Variants in PSMA1 observed in about 807,000 individuals in gnomAD.
PSMA1 encodes the protein proteasome 20S subunit alpha 1, also known as proteasome subunit alpha type-1.
Under a neutral mutation model 38.4 loss-of-function variants are expected in PSMA1, and 3 were observed. The observed-to-expected ratio is 0.08, with a 90% confidence interval of 0.04 to 0.20. PSMA1 has a LOEUF of 0.20. PSMA1 is among the 10% of genes least tolerant of loss of function. The probability of loss-of-function intolerance (pLI) is 1.00; values close to 1 mark genes in which losing one functional copy is unlikely to be tolerated. For missense variants in PSMA1, 227 were observed against 325.3 expected (o/e 0.70, Z 2.32); for synonymous variants, 101 against 107.1 (o/e 0.94, Z 0.35).
At chr11:14,508,748 T>C (rs1851292541) in intron 8 of PSMA1, among the ~76,000 whole-genome samples, 1 of 152,166 alleles carries the variant, frequency 6.6e-6, no homozygotes. Context: ...CATTCTCTCC[T>C]GATTCCACTA....
chr11:14,623,892 G>C (rs879419706), intron 1 of PSMA1, among the ~76,000 whole-genome samples: 9 of 152,166 alleles, frequency 5.9e-5, no homozygotes, highest in African/African-American at 7.2e-5. Context: ...TGGCCACTTG[G>C]TGGTAAGTCA....
intron 2 of PSMA1, among the ~76,000 whole-genome samples, chr11:14,569,832 T>A (rs1219385826): frequency 6.6e-6 from 1 of 152,142 alleles, no homozygotes; most frequent in Non-Finnish European, 1.5e-5. Context: ...GACTTAAACA[T>A]CCCTGTCTGA....
At chr11:14,609,551 A>G (rs1351639048) in intron 2 of PSMA1, among the ~76,000 whole-genome samples, 1 of 152,234 alleles carries the variant, frequency 6.6e-6, no homozygotes, top group Non-Finnish European at 1.5e-5. Flanking sequence ...AATTTTAGCT[A>G]GGAGAGCCAG....
At chr11:14,553,211 C>T (rs960869684) in intron 2 of PSMA1, among the ~76,000 whole-genome samples, 17 of 152,028 alleles carry the variant, frequency 1.1e-4, no homozygotes, top group East Asian at 3.8e-4. Flanking sequence ...AGTACAGGGA[C>T]GTTCTGTGTA....
At chr11:14,601,868 A>G (rs1223225860) in intron 2 of PSMA1, among the ~76,000 whole-genome samples, 1 of 152,244 alleles carries the variant, frequency 6.6e-6, no homozygotes, top group African/African-American at 2.4e-5. Context: ...TCCATGCCAA[A>G]TAACCTCATG....
chr11:14,551,791 G>A (rs1278781776), intron 2 of PSMA1, among the ~76,000 whole-genome samples: 1 of 152,240 alleles, frequency 6.6e-6, no homozygotes, highest in Non-Finnish European at 1.5e-5. Context: ...CTACTTTAAA[G>A]AGGGGACAGT....
At chr11:14,553,480 G>GC (rs1240591600) in intron 2 of PSMA1, among the ~76,000 whole-genome samples, 2 of 152,002 alleles carry the variant, frequency 1.3e-5, no homozygotes, top group Admixed American at 6.6e-5. Flanking sequence ...CACCTGTACT[G>GC]CCCCCAACCC....
Position 14,638,510 on chromosome 11 carries a change from T to TCTCTCTCTCTCC in PSMA1, c.-166+4944_-166+4945insGGAGAGAGAGAG, listed in dbSNP as rs1239802730. Among the ~76,000 whole-genome samples, 48 of 18,894 alleles carry TCTCTCTCTCTCC rather than the reference T, an allele frequency of 2.5e-3. 2 individuals carry two copies. Among genetic ancestry groups the TCTCTCTCTCTCC allele is most frequent in the East Asian group, 7.8e-3 (6 of 772 alleles). 12.4% of individuals were successfully genotyped at this position (18,894 alleles called of 152,430 possible). A position where few individuals can be genotyped will look rare whatever the true frequency, so the allele number is the denominator to read the frequency against. On this transcript the variant is annotated intron_variant, in intron 1 of 10. Coordinates refer to the PSMA1 transcript ENST00000418988. Reference sequence around the variant, plus strand: ...TTGGCTTAGTGGAGAAACACACCTCTCTCTCTCTCTCTCTCTCTCTCTCTC... The same window carrying TCTCTCTCTCTCC: ...TTGGCTTAGTGGAGAAACACACCTCTCTCTCTCTCTCCCTCTCTCTCTCTCTCTCTCTCTCTC...
At chr11:14,622,970 A>G (rs1852867458) in intron 1 of PSMA1, among the ~76,000 whole-genome samples, 1 of 152,232 alleles carries the variant, frequency 6.6e-6, no homozygotes, top group African/African-American at 2.4e-5. Context: ...AATTACTGGG[A>G]CTGGTAGAGG....
rs548710921 is a variant in PSMA1, at chr11:14,605,386, A to T, written c.21+5580T>A. On this transcript the variant is annotated intron_variant, in intron 2 of 10. Transcript: ENST00000418988. ...CTGTTCATGTCTTTTTTGTCCATTA[A>T]TTTTTTTATTTTTTTGAGACAGAGT... 5.9e-4 allele frequency among the ~76,000 whole-genome samples: 89 copies of T among 151,772 alleles called. 2 individuals are homozygous for T. The South Asian group carries it at 0.018, about 31-fold the overall frequency.
intron 2 of PSMA1, among the ~76,000 whole-genome samples, chr11:14,535,227 G>T (rs1427839176): frequency 6.6e-6 from 1 of 151,654 alleles, no homozygotes; most frequent in Non-Finnish European, 1.5e-5. Context: ...ACATAATTGG[G>T]AAGAATAACA....
chr11:14,580,257 A>C (rs1011206547), intron 2 of PSMA1, among the ~76,000 whole-genome samples: 2 of 152,274 alleles, frequency 1.3e-5, no homozygotes, highest in Non-Finnish European at 2.9e-5. Context: ...ACTCTCCCTC[A>C]AAGACTGTCT....
At chr11:14,592,806 TA>T (rs1158595686) in intron 2 of PSMA1, among the ~76,000 whole-genome samples, 2 of 152,224 alleles carry the variant, frequency 1.3e-5, no homozygotes, top group African/African-American at 4.8e-5. Flanking sequence ...AATGGATAAA[TA>T]ATTCCAGTCT....
At chr11:14,587,324 G>T (rs1852359511) in intron 2 of PSMA1, among the ~76,000 whole-genome samples, 1 of 152,112 alleles carries the variant, frequency 6.6e-6, no homozygotes, top group Non-Finnish European at 1.5e-5. Context: ...GTGTCCCTCT[G>T]GACAGCCTCT....
chr11:14,579,506 T>C (rs1439520203), intron 2 of PSMA1, among the ~76,000 whole-genome samples: 2 of 150,984 alleles, frequency 1.3e-5, no homozygotes, highest in Admixed American at 6.6e-5. Context: ...TTTTTTTTTT[T>C]TTTAAATAAG....
At chr11:14,610,217 C>T (rs992347462) in intron 2 of PSMA1, among the ~76,000 whole-genome samples, 1 of 152,200 alleles carries the variant, frequency 6.6e-6, no homozygotes, top group African/African-American at 2.4e-5. Flanking sequence ...CACATGATGG[C>T]AGCCCCAATT....
intron 2 of PSMA1, among the ~76,000 whole-genome samples, chr11:14,608,665 T>C (rs1001831571): frequency 6.8e-5 from 10 of 147,768 alleles, no homozygotes; most frequent in African/African-American, 2.4e-4. Flanking sequence ...AGATCCTGTC[T>C]GTATTTTATA....
chr11:14,575,408 C>A (rs1047141798), intron 2 of PSMA1, among the ~76,000 whole-genome samples: 55 of 152,088 alleles, frequency 3.6e-4, no homozygotes, highest in African/African-American at 1.3e-3. Context: ...ATCCCTCCCC[C>A]CTACCCCCAC....
intron 2 of PSMA1, among the ~76,000 whole-genome samples, chr11:14,561,321 C>A (rs1322239324): frequency 6.6e-6 from 1 of 152,146 alleles, no homozygotes; most frequent in Non-Finnish European, 1.5e-5. Flanking sequence ...TATAACATTA[C>A]CTGAGACTGT....
Sources: gnomAD v4.1 joint callset for allele counts (sites outside exome capture counted in the v4.1 genomes callset) on GRCh38, gnomAD v4.1.1 for gene constraint, MANE v1.5 for transcripts, NCBI Gene and HGNC (gene_info 2026-07-23, HGNC 2026-07-21) for gene names.